JMY: variants seen among roughly 807,000 people sequenced by gnomAD.
JMY encodes the protein junction mediating and regulatory protein, p53 cofactor.
A neutral mutation model predicts 103.3 loss-of-function variants in JMY; 46 were observed. That is an observed-to-expected ratio of 0.45 (90% CI 0.35 to 0.57). JMY has a LOEUF of 0.57. Ranked by LOEUF, JMY falls within the 20% of genes least tolerant of loss-of-function variation. JMY has a pLI of 0.00. For missense variants in JMY, 1,238 were observed against 1,255.2 expected, an observed-to-expected ratio of 0.99 and a Z score of 0.21; for synonymous variants, 526 against 489.3, an observed-to-expected ratio of 1.07 and a Z score of -0.99.
In JMY at chr5:79,314,379, GGT is replaced by G; in HGVS notation, c.2188_2189del (p.Val730ArgfsTer5). On this transcript the variant is annotated frameshift_variant, in exon 9 of 11. Coordinates refer to ENST00000396137, the MANE Select transcript of JMY (RefSeq NM_152405.5). LOFTEE classifies it high-confidence loss of function. ...HCDSLPSVLQ[V>X]EEKTEEVGEG... ...GTGACTCTTTACCAAGTGTGTTACA[GGT>G]AGAAGAGAAAACTGAAGAGGTGGGA... 1 of 1,614,134 alleles carries G rather than the reference GGT, an allele frequency of 6.2e-7. No homozygotes were observed. The highest frequency in any genetic ancestry group is 8.5e-7 in the Non-Finnish European group (1 of 1,180,016).
chr5:79,257,206 G>T (rs544341979), intron 1 of JMY, among the ~76,000 whole-genome samples: 1 of 151,786 alleles, frequency 6.6e-6, no homozygotes, highest in Admixed American at 6.6e-5. Flanking sequence ...CCAAGTAGCC[G>T]TGATTACAGG....
chr5:79,253,544 A>T (rs1745153315), intron 1 of JMY, among the ~76,000 whole-genome samples: 1 of 152,080 alleles, frequency 6.6e-6, no homozygotes, highest in South Asian at 2.1e-4. Context: ...TGCCCACCGC[A>T]GCCTCCCAAA....
chr5:79,313,085 A>C (rs976019072), intron 8 of JMY, among the ~76,000 whole-genome samples: 2 of 152,154 alleles, frequency 1.3e-5, no homozygotes, highest in African/African-American at 4.8e-5. Context: ...TAGGTGAAGT[A>C]GGCTTTTGAA....
intron 6 of JMY, among the ~76,000 whole-genome samples, chr5:79,302,687 C>T (rs1055801080): frequency 3.9e-5 from 6 of 152,310 alleles, no homozygotes; most frequent in African/African-American, 1.4e-4. Context: ...ACCACATTAA[C>T]AAGCCTGAGC....
intron 1 of JMY, among the ~76,000 whole-genome samples, chr5:79,259,614 C>T (rs1186929699): frequency 6.6e-6 from 1 of 152,276 alleles, no homozygotes; most frequent in African/African-American, 2.4e-5. Flanking sequence ...CTTGGCCTCT[C>T]TTCTGTGCTC....
chr5:79,244,514 A>T, intron 1 of JMY, among the ~76,000 whole-genome samples: 1 of 152,314 alleles, frequency 6.6e-6, no homozygotes, highest in Middle Eastern at 3.4e-3. Context: ...AAATTCTCAC[A>T]TGTAATTTTA....
intron 2 of JMY, among the ~76,000 whole-genome samples, chr5:79,287,009 C>T (rs776342136): frequency 2.7e-4 from 41 of 152,018 alleles, no homozygotes; most frequent in Non-Finnish European, 4.4e-4. Context: ...AGGAGGAACC[C>T]CGTGGAGCTG....
intron 1 of JMY, among the ~76,000 whole-genome samples, chr5:79,243,172 G>C (rs1744791923): frequency 6.6e-6 from 1 of 151,804 alleles, no homozygotes; most frequent in South Asian, 2.1e-4. Flanking sequence ...TTTAACTGAA[G>C]GGGCAAGGGG....
Position 79,237,174 on chromosome 5 carries a change from C to T in JMY, c.524C>T (p.Ala175Val). Residue 175 changes from alanine (A) to valine (V), a missense_variant, in exon 1 of 11, where the codon GCC (alanine) becomes GTC (valine). Coordinates refer to ENST00000396137, the MANE Select transcript of JMY (RefSeq NM_152405.5). ...AAAARPAPRE[A>V]QVSSVRIVSA... ...GCAGCCCGGCCGGCGCCCAGAGAGG[C>T]CCAGGTGTCCTCTGTACGGATAGTG... 1 of 1,549,922 alleles carries T rather than the reference C, an allele frequency of 6.5e-7. No homozygotes were observed.
At position 79,314,813 on chromosome 5, in the gene JMY, A is replaced by G; in HGVS notation, c.2621A>G (p.Lys874Arg). Residue 874 changes from lysine (K) to arginine (R), a missense_variant, in exon 9 of 11, where the codon AAG becomes AGG. Physicochemically the swap from Lys to Arg is conservative, Grantham distance 26. Coordinates refer to ENST00000396137, the MANE Select transcript of JMY (RefSeq NM_152405.5). ...DSSQLVSARK[K>R]LRKTAEGLQR... is the part of the protein sequence containing the mutation. ...AGCCAGCTGGTCAGTGCACGGAAGAAGCTCAGAAAGACTGCTGAAGGTTTG... is the reference window on the plus strand; with the variant it reads ...AGCCAGCTGGTCAGTGCACGGAAGAGGCTCAGAAAGACTGCTGAAGGTTTG... 1 of 1,594,062 alleles carries G rather than the reference A, an allele frequency of 6.3e-7. No individual in the cohort carries two copies. The highest frequency in any genetic ancestry group is 8.5e-7 in the Non-Finnish European group (1 of 1,171,230).
rs1746709353 is a variant in JMY, at chr5:79,300,722, G to A, written c.1740G>A (p.Glu580=). 30 of 1,610,526 alleles carry A rather than the reference G, an allele frequency of 1.9e-5. No individual in the cohort carries two copies. The highest frequency in any genetic ancestry group is 2.5e-5 in the Non-Finnish European group (30 of 1,178,714). Residue 580 remains glutamate, a synonymous_variant, in exon 6 of 11, where the codon GAG becomes GAA. Transcript: ENST00000396137. The part of the protein sequence containing the change: ...VVYYDTYESM[E]AMLEKEEMAA... Reference sequence around the variant, plus strand: ...ACTATGACACTTACGAAAGCATGGAGGCCATGCTGGAGAAGGAAGAGATGG... The same window carrying A: ...ACTATGACACTTACGAAAGCATGGAAGCCATGCTGGAGAAGGAAGAGATGG...
chr5:79,298,270 A>T (rs1473715095), intron 4 of JMY, among the ~76,000 whole-genome samples: 1 of 152,184 alleles, frequency 6.6e-6, no homozygotes, highest in African/African-American at 2.4e-5. Context: ...TAAGGTTTTA[A>T]CTTAACGATT....
At chr5:79,300,597 T>C in intron 5 of JMY, 79 bp from the exon 6 acceptor site, 3 of 1,146,096 alleles carry the variant, frequency 2.6e-6, no homozygotes, top group Non-Finnish European at 3.7e-6. Context: ...GCAGAGCCAG[T>C]AATGAGATTA....
At chr5:79,309,857 T>C in intron 7 of JMY, among the ~76,000 whole-genome samples, 1 of 152,174 alleles carries the variant, frequency 6.6e-6, no homozygotes, top group South Asian at 2.1e-4. Flanking sequence ...CTCCCTGCTA[T>C]AACCATTTGT....
At position 79,294,509 on chromosome 5, in the gene JMY, G is replaced by A. The variant is rs551716252; in HGVS notation, c.1527+3210G>A. On this transcript the variant is annotated intron_variant, in intron 4 of 10. Transcript: ENST00000396137. The stretch of plus-strand genomic sequence containing the variant: ...GTAGACTTCTATTTTGTGGTTAACC[G>A]GGATTAACCAGAAAACCCTTTAGAT... Among the ~76,000 whole-genome samples, 24 of 152,280 alleles carry A rather than the reference G, an allele frequency of 1.6e-4. No individual in the cohort carries two copies. The South Asian group carries it at 4.1e-3, about 26-fold the overall frequency.
rs1747672008 is a variant in JMY, at chr5:79,327,042, T to G, written c.*5440T>G. On this transcript the variant is annotated 3_prime_UTR_variant, in exon 11 of 11. Transcript: ENST00000396137. ...GCAGCTTTTCTGCATTGTAATTGTA[T>G]TGCTTTGTATTTCATGTTTTTTACA... The G allele has an allele frequency of 1.3e-5, 2 of 152,208 alleles. No homozygotes were observed. The highest frequency in any genetic ancestry group is 1.3e-4 in the Admixed American group (2 of 15,280). 9.4% of individuals were successfully genotyped at this position (152,208 alleles called of 1,614,324 possible).
Position 79,314,778 on chromosome 5 carries a change from C to G in JMY, c.2586C>G (p.Leu862=), listed in dbSNP as rs1409023432. Residue 862 remains leucine (L), a synonymous_variant, in exon 9 of 11, where the codon CTC becomes CTG. Coordinates refer to ENST00000396137, the MANE Select transcript of JMY (RefSeq NM_152405.5). ...PKSASAPSAH[L]FDSSQLVSAR... is the part of the protein sequence containing the mutation. Reference sequence around the variant, plus strand: ...CAGCCAGTGCCCCCTCAGCACACCTCTTTGACAGCAGCCAGCTGGTCAGTG... The same window carrying G: ...CAGCCAGTGCCCCCTCAGCACACCTGTTTGACAGCAGCCAGCTGGTCAGTG... The G allele has an allele frequency of 1.2e-6, 2 of 1,613,024 alleles. No homozygotes were observed. Among genetic ancestry groups the G allele is most frequent in the East Asian group, 2.2e-5 (1 of 44,872 alleles).
chr5:79,307,462 T>C (rs1056895723), intron 7 of JMY, among the ~76,000 whole-genome samples: 3 of 152,036 alleles, frequency 2.0e-5, no homozygotes, highest in Non-Finnish European at 2.9e-5. Flanking sequence ...TATAGTGGTA[T>C]CTTTTGGTGT....
chr5:79,258,307 T>G (rs1218427818), intron 1 of JMY, among the ~76,000 whole-genome samples: 1 of 128,040 alleles, frequency 7.8e-6, no homozygotes, highest in Non-Finnish European at 1.7e-5. Context: ...CTTTTTTTGT[T>G]TTTGTTGTTT....
Sources: allele counts gnomAD v4.1 joint callset (sites outside exome capture counted in the v4.1 genomes callset), GRCh38; gene constraint gnomAD v4.1.1; transcripts MANE v1.5; gene names NCBI Gene and HGNC (gene_info 2026-07-23, HGNC 2026-07-21).